MCM9: variants seen among roughly 807,000 people sequenced by gnomAD.
MCM9 encodes minichromosome maintenance 9 homologous recombination repair factor, also known as DNA helicase MCM9.
Under a neutral mutation model 72.8 loss-of-function variants are expected in MCM9, and 55 were observed. That is an observed-to-expected ratio of 0.76 (90% confidence interval 0.61 to 0.95). The LOEUF (loss-of-function observed/expected upper bound fraction) is 0.95. Among genes scored for constraint, MCM9 ranks in the 40% least tolerant of loss-of-function variants. The pLI, the probability that MCM9 is intolerant of heterozygous loss-of-function variation, is 0.00. For synonymous variants in MCM9, 480 were observed against 503.4 expected, an observed-to-expected ratio of 0.95 and a Z score of 0.62; for missense variants, 1,279 against 1,377.0, an observed-to-expected ratio of 0.93 and a Z score of 1.13.
intron 9 of MCM9, among the ~76,000 whole-genome samples, chr6:118,843,565 T>G: frequency 6.8e-6 from 1 of 146,750 alleles, no homozygotes; most frequent in South Asian, 2.2e-4. Flanking sequence ...GAGGTGGAGG[T>G]TGCAGTGAGC....
At chr6:118,905,944 T>G in intron 8 of MCM9, 8 of 701,092 alleles carry the variant, frequency 1.1e-5, no homozygotes, top group Non-Finnish European at 1.8e-5. Flanking sequence ...AAATATGAGG[T>G]CCTTATGCCA....
intron 8 of MCM9, among the ~76,000 whole-genome samples, chr6:118,878,102 C>T (rs1244540302): frequency 6.6e-6 from 1 of 152,084 alleles, no homozygotes; most frequent in Non-Finnish European, 1.5e-5. Flanking sequence ...TTCCAGGCTG[C>T]AGTGAGCTAT....
intron 13 of MCM9, among the ~76,000 whole-genome samples, chr6:118,818,953 T>C (rs1001580383): frequency 6.6e-6 from 1 of 152,230 alleles, no homozygotes; most frequent in African/African-American, 2.4e-5. Flanking sequence ...ATGCTTGTGA[T>C]TGGTGCACAT....
chr6:118,890,105 T>C (rs1388993240), intron 8 of MCM9, among the ~76,000 whole-genome samples: 1 of 152,212 alleles, frequency 6.6e-6, no homozygotes, highest in Non-Finnish European at 1.5e-5. Context: ...CCCCCAGCTT[T>C]GCCTTGGCTG....
chr6:118,901,958 G>A (rs1471789769), intron 8 of MCM9, among the ~76,000 whole-genome samples: 2 of 152,138 alleles, frequency 1.3e-5, no homozygotes, highest in Non-Finnish European at 2.9e-5. Context: ...CTCTAGAGCT[G>A]CTACCTTTCC....
chr6:118,877,625 A>G lies in MCM9; in HGVS notation c.1151-21080T>C, dbSNP rs141667881. ...AATAACGGATACAACTATTTTGGAAAAGAGTTTGGCAATATCTACAAAAGT... is the reference window on the plus strand; with the variant it reads ...AATAACGGATACAACTATTTTGGAAGAGAGTTTGGCAATATCTACAAAAGT... On this transcript the variant is annotated intron_variant, in intron 8 of 13. Coordinates refer to ENST00000619706, the MANE Select transcript of MCM9 (RefSeq NM_017696.3). Among the ~76,000 whole-genome samples, 995 of 152,320 alleles carry G rather than the reference A, an allele frequency of 6.5e-3. 7 individuals are homozygous for G. The highest frequency in any genetic ancestry group is 0.022 in the African/African-American group (926 of 41,566).
intron 9 of MCM9, among the ~76,000 whole-genome samples, chr6:118,836,879 C>T (rs1774996596): frequency 6.6e-6 from 1 of 152,124 alleles, no homozygotes; most frequent in Non-Finnish European, 1.5e-5. Context: ...TTGTCTTCTG[C>T]TAGCTTTTGA....
At chr6:118,905,309 C>T (rs919638861) in intron 8 of MCM9, among the ~76,000 whole-genome samples, 4 of 152,142 alleles carry the variant, frequency 2.6e-5, no homozygotes, top group Non-Finnish European at 5.9e-5. Context: ...AAAATTATGA[C>T]TGAAAAGGTT....
chr6:118,880,042 AAAC>A lies in MCM9; in HGVS notation c.1151-23500_1151-23498del, dbSNP rs1281291107. On this transcript the variant is annotated intron_variant, in intron 8 of 13. Coordinates refer to ENST00000619706, the MANE Select transcript of MCM9 (RefSeq NM_017696.3). ...GTGAGAGTGCACAAAACAAACAAAC[AAAC>A]AACAACAAAAAAAAAACACCAAAGA... Among the ~76,000 whole-genome samples the A allele has an allele frequency of 4.0e-5, 6 of 151,198 alleles. No homozygotes were observed. In the East Asian group the frequency reaches 1.2e-3, roughly 29 times the overall value.
chr6:118,848,550 G>C lies in MCM9; in HGVS notation c.1325+7821C>G, dbSNP rs575380531. On this transcript the variant is annotated intron_variant, in intron 9 of 13. Transcript: ENST00000619706. ...CCGTCTACATCAGCAGAGATGAGTA[G>C]TTCCAACAGTTTGGCCCACAAAGTC... is the stretch of plus-strand genomic sequence containing the variant. 1.5e-4 allele frequency among the ~76,000 whole-genome samples: 23 copies of C among 151,988 alleles called. No individual in the cohort carries two copies. In the South Asian group the frequency reaches 4.6e-3, roughly 30 times the overall value.
At chr6:118,930,778 T>C (rs555609536) in intron 3 of MCM9, among the ~76,000 whole-genome samples, 7 of 152,314 alleles carry the variant, frequency 4.6e-5, no homozygotes, top group African/African-American at 1.7e-4. Context: ...TGTTACACTA[T>C]AGTGTCACTT....
chr6:118,844,245 T>C (rs1469018792), intron 9 of MCM9, among the ~76,000 whole-genome samples: 1 of 151,750 alleles, frequency 6.6e-6, no homozygotes, highest in Non-Finnish European at 1.5e-5. Context: ...TGGCCTCTAA[T>C]TAGGGGTAAT....
At chr6:118,869,033 G>A (rs996995371) in intron 8 of MCM9, among the ~76,000 whole-genome samples, 14 of 152,324 alleles carry the variant, frequency 9.2e-5, no homozygotes, top group Non-Finnish European at 1.9e-4. Context: ...ATCAATGATA[G>A]ACTGGATTAA....
At chr6:118,839,858 G>A (rs757718648) in intron 9 of MCM9, among the ~76,000 whole-genome samples, 8 of 152,244 alleles carry the variant, frequency 5.3e-5, no homozygotes, top group East Asian at 3.9e-4. Flanking sequence ...GGTGTCTGTC[G>A]ACCCCTGCTT....
At chr6:118,828,963 T>G (rs962262540) in intron 10 of MCM9, 85 bp downstream of exon 10, 4 of 1,339,292 alleles carry the variant, frequency 3.0e-6, no homozygotes. Context: ...ATCTTGGGTA[T>G]TTATTTAATT....
At chr6:118,852,168 TA>T (rs1776273279) in intron 9 of MCM9, among the ~76,000 whole-genome samples, 1 of 152,182 alleles carries the variant, frequency 6.6e-6, no homozygotes, top group Non-Finnish European at 1.5e-5. Context: ...TTTGTGCATC[TA>T]AACATATCTA....
intron 8 of MCM9, among the ~76,000 whole-genome samples, chr6:118,875,279 T>C (rs1335316943): frequency 6.6e-6 from 1 of 152,220 alleles, no homozygotes; most frequent in Non-Finnish European, 1.5e-5. Flanking sequence ...ATAGGAAGAC[T>C]TCATATTGTC....
intron 8 of MCM9, chr6:118,901,065 G>T: frequency 1.9e-6 from 1 of 524,688 alleles, no homozygotes; most frequent in Non-Finnish European, 3.4e-6. Flanking sequence ...CTTACTTCCT[G>T]GTTTTATATG....
At chr6:118,916,436 A>C (rs1162030044) in intron 6 of MCM9, among the ~76,000 whole-genome samples, 13 of 52,392 alleles carry the variant, frequency 2.5e-4, no homozygotes, top group African/African-American at 1.3e-3. Flanking sequence ...TGGAAGCATT[A>C]TTATTATTAT....
Sources: gnomAD v4.1 joint callset for allele counts (sites outside exome capture counted in the v4.1 genomes callset) on GRCh38, gnomAD v4.1.1 for gene constraint, MANE v1.5 for transcripts, NCBI Gene and HGNC (gene_info 2026-07-23, HGNC 2026-07-21) for gene names.